The following LHFPL3 variants were observed in gnomAD, a reference collection of about 807,000 sequenced individuals.
LHFPL3 encodes the protein LHFPL tetraspan subfamily member 3.
LHFPL3 carries 5 observed loss-of-function variants against 19.3 expected under a neutral mutation model. That is an observed-to-expected ratio of 0.26 (90% CI 0.14 to 0.54). LHFPL3 has a LOEUF of 0.54. Ranked by LOEUF, LHFPL3 falls within the 20% of genes least tolerant of loss-of-function variation. The probability of loss-of-function intolerance (pLI) is 0.94; values close to 1 mark genes in which losing one functional copy is unlikely to be tolerated. For synonymous variants in LHFPL3, 133 were observed against 126.2 expected (o/e 1.05, Z -0.36); for missense variants, 249 against 307.4 (o/e 0.81, Z 1.42).
At chr7:104,433,255 C>T (rs1792035375) in intron 1 of LHFPL3, among the ~76,000 whole-genome samples, 1 of 152,124 alleles carries the variant, frequency 6.6e-6, no homozygotes, top group Non-Finnish European at 1.5e-5. Flanking sequence ...ATTATGTAGC[C>T]TTTGGAAAAG....
Position 104,328,830 on chromosome 7 carries a change from G to A in LHFPL3, c.51G>A (p.Pro17=), listed in dbSNP as rs530086865. The A allele has an allele frequency of 3.5e-5, 56 of 1,612,840 alleles. No individual in the cohort carries two copies. Among genetic ancestry groups the A allele is most frequent in the Admixed American group, 3.3e-5 (2 of 59,948 alleles). ...AAAAAAAAML[P]AQEAAKLYHT... is the part of the protein sequence containing the mutation. The stretch of plus-strand genomic sequence containing the variant: ...CCGCCGCCGCCGCCGCGATGCTCCC[G>A]GCTCAGGAGGCTGCCAAGCTGTACC... The change falls in exon 1 of 3, where the codon CCG becomes CCA. Residue 17 remains proline (P), a synonymous_variant. Coordinates refer to ENST00000424859, the MANE Select transcript of LHFPL3 (RefSeq NM_199000.3). This position sits in a 1 kb window ranked among gnomAD's most constrained non-coding sequence, Gnocchi z 4.6.
intron 1 of LHFPL3, among the ~76,000 whole-genome samples, chr7:104,584,393 G>C (rs1790523395): frequency 6.6e-6 from 1 of 151,916 alleles, no homozygotes; most frequent in African/African-American, 2.4e-5. Flanking sequence ...CACCAACATG[G>C]CACATGTATA....
At chr7:104,524,854 T>C (rs1794154506) in intron 1 of LHFPL3, among the ~76,000 whole-genome samples, 1 of 152,198 alleles carries the variant, frequency 6.6e-6, no homozygotes, top group South Asian at 2.1e-4. Context: ...TTCTCAAGAA[T>C]TGGCTAAAAA....
chr7:104,605,045 T>C lies in LHFPL3; in HGVS notation c.446-131630T>C, dbSNP rs143941905. ...TTCAAGGCTATCAAATGACTCTCAG[T>C]AAACCTAATTCTGTTATTTTCAGCT... On this transcript the variant is annotated intron_variant, in intron 1 of 2. Coordinates refer to ENST00000424859, the MANE Select transcript of LHFPL3 (RefSeq NM_199000.3). Among the ~76,000 whole-genome samples, 893 of 152,356 alleles carry C rather than the reference T, an allele frequency of 5.9e-3. 8 individuals carry two copies. Among genetic ancestry groups the C allele is most frequent in the African/African-American group, 0.02 (811 of 41,580 alleles).
At chr7:104,864,087 C>A (rs1584583799) in intron 2 of LHFPL3, among the ~76,000 whole-genome samples, 1 of 152,174 alleles carries the variant, frequency 6.6e-6, no homozygotes. Context: ...TGATTGTAAA[C>A]TTCAACAAAT....
At chr7:104,796,155 C>G (rs960362600) in intron 2 of LHFPL3, among the ~76,000 whole-genome samples, 21 of 152,142 alleles carry the variant, frequency 1.4e-4, no homozygotes, top group African/African-American at 4.3e-4. Flanking sequence ...AGTTAGGGCT[C>G]GAGGAAGCAG....
chr7:104,874,811 C>T (rs1791906201), intron 2 of LHFPL3, among the ~76,000 whole-genome samples: 1 of 151,904 alleles, frequency 6.6e-6, no homozygotes, highest in Non-Finnish European at 1.5e-5. Flanking sequence ...TGCTCCTAAT[C>T]CCACAACATT....
Position 104,544,454 on chromosome 7 carries a change from A to G in LHFPL3, c.446-192221A>G, listed in dbSNP as rs544375107. Among the ~76,000 whole-genome samples, 9 of 152,336 alleles carry G rather than the reference A, an allele frequency of 5.9e-5. No individual in the cohort carries two copies. In the South Asian group the frequency reaches 1.9e-3, roughly 32 times the overall value. On this transcript the variant is annotated intron_variant, in intron 1 of 2. Transcript: ENST00000424859. ...CAAAAATTTGAAACATTATGGGGTT[A>G]GATGCAGTTTCATGAGACATCTGTT... is the stretch of plus-strand genomic sequence containing the variant.
intron 1 of LHFPL3, among the ~76,000 whole-genome samples, chr7:104,683,874 C>T (rs746213767): frequency 1.3e-4 from 20 of 152,138 alleles, no homozygotes; most frequent in Non-Finnish European, 2.6e-4. Context: ...AAATTAAACC[C>T]TTCCTCAATT....
chr7:104,338,512 T>A (rs1360069066), intron 1 of LHFPL3, among the ~76,000 whole-genome samples: 3 of 152,206 alleles, frequency 2.0e-5, no homozygotes, highest in African/African-American at 4.8e-5. Flanking sequence ...TGAACAATAC[T>A]ATTCCAGAGC....
At chr7:104,434,749 A>G (rs1197357050) in intron 1 of LHFPL3, among the ~76,000 whole-genome samples, 2 of 152,172 alleles carry the variant, frequency 1.3e-5, no homozygotes, top group Non-Finnish European at 2.9e-5. Context: ...TCAGACATGA[A>G]TTTTCAAGGT....
intron 1 of LHFPL3, among the ~76,000 whole-genome samples, chr7:104,675,498 T>A (rs2116062017): frequency 6.6e-6 from 1 of 152,214 alleles, no homozygotes; most frequent in Admixed American, 6.5e-5. Flanking sequence ...GCTTAATACG[T>A]AAAAGGATCA....
chr7:104,748,129 T>G (rs1794085818), intron 2 of LHFPL3, among the ~76,000 whole-genome samples: 1 of 151,588 alleles, frequency 6.6e-6, no homozygotes, highest in East Asian at 2.0e-4. Flanking sequence ...CAAGATGTGC[T>G]TTGTTAAACA....
At chr7:104,757,381 T>C (rs1794304738) in intron 2 of LHFPL3, among the ~76,000 whole-genome samples, 1 of 151,926 alleles carries the variant, frequency 6.6e-6, no homozygotes, top group Non-Finnish European at 1.5e-5. Context: ...CTAAAGAACT[T>C]TTGCACAGCA....
chr7:104,424,473 T>A (rs899942178), intron 1 of LHFPL3, among the ~76,000 whole-genome samples: 1 of 152,238 alleles, frequency 6.6e-6, no homozygotes, highest in Admixed American at 6.5e-5. Flanking sequence ...GAAGGTTATG[T>A]AAGACCACAG....
At chr7:104,515,215 C>T (rs965309796) in intron 1 of LHFPL3, among the ~76,000 whole-genome samples, 3 of 152,148 alleles carry the variant, frequency 2.0e-5, no homozygotes, top group African/African-American at 4.8e-5. Flanking sequence ...TTTAAAAACA[C>T]ATCTTTCCAT....
At chr7:104,627,915 C>A (rs1791576203) in intron 1 of LHFPL3, among the ~76,000 whole-genome samples, 1 of 152,238 alleles carries the variant, frequency 6.6e-6, no homozygotes, top group African/African-American at 2.4e-5. Context: ...ATTGAAAAAT[C>A]TAACATTCTC....
At chr7:104,548,903 A>G (rs1282070810) in intron 1 of LHFPL3, among the ~76,000 whole-genome samples, 1 of 152,166 alleles carries the variant, frequency 6.6e-6, no homozygotes, top group Non-Finnish European at 1.5e-5. Flanking sequence ...ACAGGACCAC[A>G]GCTTGGTACA....
chr7:104,495,916 T>C (rs1490748208), intron 1 of LHFPL3, among the ~76,000 whole-genome samples: 1 of 151,178 alleles, frequency 6.6e-6, no homozygotes, highest in Non-Finnish European at 1.5e-5. Context: ...TTTATTACTT[T>C]ACTTAGGATA....
Sources: gnomAD v4.1 joint callset for allele counts (sites outside exome capture counted in the v4.1 genomes callset) on GRCh38, gnomAD v4.1.1 for gene constraint, Gnocchi (gnomAD v3.1) non-coding constraint, MANE v1.5 for transcripts, NCBI Gene and HGNC (gene_info 2026-07-23, HGNC 2026-07-21) for gene names.